The following FRMPD4 variants were observed in gnomAD, a reference collection of about 807,000 sequenced individuals.
FRMPD4 encodes FERM and PDZ domain containing 4, also known as FERM and PDZ domain-containing protein 4.
Under a neutral mutation model 94.1 loss-of-function variants are expected in FRMPD4, and 22 were observed. That is an observed-to-expected ratio of 0.23 (90% CI 0.17 to 0.33). FRMPD4 has a LOEUF of 0.33. Ranked by LOEUF, FRMPD4 falls within the 10% of genes least tolerant of loss-of-function variation. The pLI, the probability that FRMPD4 is intolerant of heterozygous loss-of-function variation, is 1.00. For missense variants in FRMPD4, 1,111 were observed against 1,339.9 expected, an observed-to-expected ratio of 0.83 and a Z score of 2.67; for synonymous variants, 631 against 548.6, an observed-to-expected ratio of 1.15 and a Z score of -2.10.
chrX:12,080,357 A>C (rs762472195), intron 3 of FRMPD4, among the ~76,000 whole-genome samples: 1 of 112,267 alleles, frequency 8.9e-6, no homozygotes, highest in African/African-American at 3.2e-5. Context: ...TCCTCCTTCT[A>C]ATCACCTCTT....
intron 1 of FRMPD4, among the ~76,000 whole-genome samples, chrX:12,283,634 CTT>C (rs58266866): frequency 1.4e-3 from 146 of 101,358 alleles, no homozygotes; most frequent in African/African-American, 4.7e-3. Flanking sequence ...AACCATTTTC[CTT>C]TTTTTTTTTT....
At chrX:12,709,080 C>A (rs1312593402) in intron 13 of FRMPD4, 1 of 113,717 alleles carries the variant, frequency 8.8e-6, no homozygotes, top group African/African-American at 3.2e-5. Flanking sequence ...CAGAGATAAT[C>A]TGTCCTAAAC....
chrX:12,467,721 A>G (rs773853306), intron 1 of FRMPD4, among the ~76,000 whole-genome samples: 1 of 112,310 alleles, frequency 8.9e-6, no homozygotes, highest in African/African-American at 3.2e-5. Context: ...CACTTCACTT[A>G]TTTTCATGCA....
chrX:12,508,564 G>A (rs2058008940), intron 2 of FRMPD4, among the ~76,000 whole-genome samples: 1 of 112,102 alleles, frequency 8.9e-6, no homozygotes. Context: ...ATCAGTAGAT[G>A]GGTGGATGAA....
intron 3 of FRMPD4, among the ~76,000 whole-genome samples, chrX:11,989,968 G>A (rs1215711889): frequency 2.7e-5 from 3 of 111,211 alleles, no homozygotes; most frequent in Admixed American, 9.5e-5. Flanking sequence ...GTATGTACCC[G>A]AAAAAACTAA....
intron 1 of FRMPD4, among the ~76,000 whole-genome samples, chrX:12,294,740 T>C (rs746824589): frequency 1.5e-4 from 17 of 111,620 alleles, no homozygotes; most frequent in Non-Finnish European, 3.0e-4. Flanking sequence ...TAGTCATTGC[T>C]ATATCCCCAC....
chrX:11,985,968 T>C (rs1449171517), intron 3 of FRMPD4, among the ~76,000 whole-genome samples: 1 of 112,614 alleles, frequency 8.9e-6, no homozygotes, highest in African/African-American at 3.2e-5. Flanking sequence ...CTGGGGGAAC[T>C]CATCACCCTG....
chrX:12,649,417 A>G (rs140247115), intron 4 of FRMPD4, among the ~76,000 whole-genome samples: 12 of 111,654 alleles, frequency 1.1e-4, no homozygotes, highest in Non-Finnish European at 1.9e-4. Context: ...TTATGAAGAT[A>G]TGATTCAGGG....
At chrX:12,083,307 C>A (rs1342527022) in intron 3 of FRMPD4, among the ~76,000 whole-genome samples, 1 of 113,026 alleles carries the variant, frequency 8.8e-6, no homozygotes, top group East Asian at 2.8e-4. Context: ...GGGTGCAAGC[C>A]CCAAGCCTTG....
At chrX:11,958,803 T>C (rs2054269295) in intron 3 of FRMPD4, among the ~76,000 whole-genome samples, 1 of 112,209 alleles carries the variant, frequency 8.9e-6, no homozygotes, top group Non-Finnish European at 1.9e-5. Context: ...TATACTTTAA[T>C]ATAGCTTTTC....
Position 12,314,902 on chromosome X carries a change from A to G in FRMPD4, c.41+175890A>G, listed in dbSNP as rs149643350. On this transcript the variant is annotated intron_variant, in intron 1 of 16. Transcript: ENST00000675598. ...AGTTTATAAATATTCATTTAAATGT[A>G]TTTCTCAAAGGCTCATGTTTGGAAC... Among the ~76,000 whole-genome samples the G allele has an allele frequency of 8.0e-5, 9 of 112,144 alleles. No homozygotes were observed. The East Asian group carries it at 2.5e-3, about 31-fold the overall frequency.
At position 11,830,501 on chromosome X, in the gene FRMPD4, G is replaced by A. The variant is rs1041380801; in HGVS notation, c.-161+7786G>A. The stretch of plus-strand genomic sequence containing the variant: ...ATAGTGCCATATTTGCTTCCACTAA[G>A]TTGTTTGACTACAGCACTTTTTGAA... On this transcript the variant is annotated intron_variant, in intron 1 of 18. Coordinates refer to the FRMPD4 transcript ENST00000640291. Among the ~76,000 whole-genome samples, 3 of 111,380 alleles carry A rather than the reference G, an allele frequency of 2.7e-5. No homozygotes were observed. In the East Asian group the frequency reaches 8.4e-4, roughly 31 times the overall value.
intron 5 of FRMPD4, among the ~76,000 whole-genome samples, chrX:12,681,696 TACACAC>T (rs35651585): frequency 2.2e-4 from 23 of 104,025 alleles, no homozygotes; most frequent in African/African-American, 5.6e-4. Flanking sequence ...CCATCCAGGA[TACACAC>T]ACACACACAC....
At chrX:12,540,990 C>A (rs1279218771) in intron 2 of FRMPD4, among the ~76,000 whole-genome samples, 1 of 111,985 alleles carries the variant, frequency 8.9e-6, no homozygotes, top group Non-Finnish European at 1.9e-5. Flanking sequence ...TGAATGACTA[C>A]TGGATACATA....
intron 1 of FRMPD4, among the ~76,000 whole-genome samples, chrX:12,190,326 A>G (rs2056475549): frequency 3.6e-5 from 4 of 111,263 alleles, no homozygotes; most frequent in Admixed American, 2.9e-4. Flanking sequence ...TCAAAATCCC[A>G]GGAAGTTATT....
chrX:12,595,001 T>A (rs1252520447), intron 2 of FRMPD4, among the ~76,000 whole-genome samples: 3 of 112,060 alleles, frequency 2.7e-5, no homozygotes, highest in Non-Finnish European at 5.6e-5. Flanking sequence ...TGAAAATGAA[T>A]GTGCTAATAC....
intron 13 of FRMPD4, among the ~76,000 whole-genome samples, chrX:12,708,418 G>A (rs1307271839): frequency 2.9e-5 from 3 of 103,574 alleles, no homozygotes; most frequent in Non-Finnish European, 5.9e-5. Context: ...CCAGTGAGCC[G>A]AGATCGTGCC....
At chrX:12,335,264 C>T (rs1039180273) in intron 1 of FRMPD4, among the ~76,000 whole-genome samples, 1 of 109,927 alleles carries the variant, frequency 9.1e-6, no homozygotes, top group African/African-American at 3.3e-5. Flanking sequence ...TTAGCTGGGA[C>T]TACAGGCATG....
At chrX:12,193,764 A>AAG (rs2056520830) in intron 1 of FRMPD4, among the ~76,000 whole-genome samples, 1 of 13,462 alleles carries the variant, frequency 7.4e-5, no homozygotes, top group Admixed American at 1.3e-3. Context: ...GAAAGAAAGA[A>AAG]AGAAAGAAAG....
Sources: gnomAD v4.1 joint callset for allele counts (sites outside exome capture counted in the v4.1 genomes callset) on GRCh38, gnomAD v4.1.1 for gene constraint, MANE v1.5 for transcripts, NCBI Gene and HGNC (gene_info 2026-07-23, HGNC 2026-07-21) for gene names.